Variants in RNGTT observed in about 807,000 individuals in gnomAD.
The protein encoded by RNGTT is RNA guanylyltransferase and 5'-phosphatase.
A neutral mutation model predicts 79.3 loss-of-function variants in RNGTT; 33 were observed. That is an observed-to-expected ratio of 0.42 (90% CI 0.32 to 0.56). The LOEUF (loss-of-function observed/expected upper bound fraction) is 0.56. Among genes scored for constraint, RNGTT ranks in the 20% least tolerant of loss-of-function variants. The pLI, the probability that RNGTT is intolerant of heterozygous loss-of-function variation, is 0.17. For missense variants in RNGTT, 497 were observed against 739.1 expected (o/e 0.67, Z 3.80); for synonymous variants, 222 against 235.9 (o/e 0.94, Z 0.54).
intron 11 of RNGTT, among the ~76,000 whole-genome samples, chr6:88,829,183 G>A (rs886531904): frequency 2.0e-5 from 3 of 152,204 alleles, no homozygotes; most frequent in African/African-American, 7.2e-5. Flanking sequence ...ACTAACAGCA[G>A]ATCTCTTTGC....
chr6:88,723,124 T>C (rs1278355426), intron 13 of RNGTT, among the ~76,000 whole-genome samples: 1 of 152,194 alleles, frequency 6.6e-6, no homozygotes, highest in Non-Finnish European at 1.5e-5. Context: ...TTCCAGAACA[T>C]GGCATTGTTA....
intron 13 of RNGTT, among the ~76,000 whole-genome samples, chr6:88,757,388 T>C (rs9362552): frequency 0.13 from 19,600 of 152,150 alleles, 1,442 homozygotes; most frequent in Middle Eastern, 0.23. Context: ...GAAATATCAA[T>C]TGTATATCTG....
intron 4 of RNGTT, among the ~76,000 whole-genome samples, chr6:88,922,430 T>C (rs1784191728): frequency 6.6e-6 from 1 of 152,160 alleles, no homozygotes; most frequent in African/African-American, 2.4e-5. Context: ...CTGGGTTTCA[T>C]ATGATTACCA....
intron 14 of RNGTT, among the ~76,000 whole-genome samples, chr6:88,625,519 T>C (rs909550035): frequency 2.0e-5 from 3 of 152,020 alleles, no homozygotes; most frequent in African/African-American, 7.2e-5. Context: ...CATGACATAC[T>C]GGAAAACGCA....
chr6:88,694,625 T>G (rs1482503942), intron 13 of RNGTT, among the ~76,000 whole-genome samples: 1 of 152,122 alleles, frequency 6.6e-6, no homozygotes, highest in African/African-American at 2.4e-5. Flanking sequence ...CAAAAAACCC[T>G]GAATAGCCAA....
intron 4 of RNGTT, among the ~76,000 whole-genome samples, chr6:88,923,899 T>C (rs548910776): frequency 6.6e-6 from 1 of 152,344 alleles, no homozygotes; most frequent in South Asian, 2.1e-4. Flanking sequence ...CAACAAGGCA[T>C]TTCCAACAAA....
intron 13 of RNGTT, among the ~76,000 whole-genome samples, chr6:88,713,723 TAAC>T (rs1394542775): frequency 6.6e-6 from 1 of 152,202 alleles, no homozygotes; most frequent in East Asian, 1.9e-4. Context: ...CCATATTTCT[TAAC>T]AAGAAAATAT....
intron 12 of RNGTT, among the ~76,000 whole-genome samples, chr6:88,796,341 G>A (rs1779602605): frequency 6.6e-6 from 1 of 152,030 alleles, no homozygotes; most frequent in South Asian, 2.1e-4. Flanking sequence ...TTCTTCCATA[G>A]TATAATTTTA....
intron 11 of RNGTT, among the ~76,000 whole-genome samples, chr6:88,813,189 C>T (rs575307862): frequency 3.3e-5 from 5 of 152,280 alleles, no homozygotes; most frequent in Non-Finnish European, 5.9e-5. Context: ...CAACTGGAAC[C>T]GATATGGCCT....
At chr6:88,708,222 T>A (rs1051737432) in intron 13 of RNGTT, among the ~76,000 whole-genome samples, 13 of 152,058 alleles carry the variant, frequency 8.5e-5, no homozygotes, top group African/African-American at 2.7e-4. Context: ...CCTTTTCCAA[T>A]CTTCAAGGGC....
chr6:88,663,508 C>G (rs1774267370), intron 14 of RNGTT, among the ~76,000 whole-genome samples: 2 of 152,168 alleles, frequency 1.3e-5, no homozygotes, highest in South Asian at 4.1e-4. Flanking sequence ...AGCAAAGGGA[C>G]AGATAGCCAA....
chr6:88,876,714 T>C (rs1193938117), intron 8 of RNGTT, among the ~76,000 whole-genome samples: 1 of 152,208 alleles, frequency 6.6e-6, no homozygotes, highest in Non-Finnish European at 1.5e-5. Context: ...CAGCTCTATA[T>C]AGGGGAAAAA....
chr6:88,741,897 G>A (rs1214230362), intron 13 of RNGTT, among the ~76,000 whole-genome samples: 2 of 152,064 alleles, frequency 1.3e-5, no homozygotes, highest in Non-Finnish European at 2.9e-5. Context: ...TTATCGACTG[G>A]TAGGACGACC....
chr6:88,914,314 C>A (rs903078986), intron 4 of RNGTT, among the ~76,000 whole-genome samples: 2 of 151,836 alleles, frequency 1.3e-5, no homozygotes, highest in African/African-American at 4.8e-5. Flanking sequence ...AAAAAAAGAA[C>A]CCAAATAGAC....
intron 12 of RNGTT, among the ~76,000 whole-genome samples, chr6:88,782,967 T>C (rs1461056469): frequency 6.6e-6 from 1 of 152,122 alleles, no homozygotes; most frequent in African/African-American, 2.4e-5. Context: ...GTACAGCCCA[T>C]TAGTGAAAAC....
chr6:88,716,535 C>G (rs1401123092), intron 13 of RNGTT, among the ~76,000 whole-genome samples: 2 of 152,162 alleles, frequency 1.3e-5, no homozygotes, highest in African/African-American at 2.4e-5. Flanking sequence ...TATTGCAGCA[C>G]TATTTACAAT....
At chr6:88,914,729 G>A (rs1276364011) in intron 4 of RNGTT, among the ~76,000 whole-genome samples, 1 of 152,056 alleles carries the variant, frequency 6.6e-6, no homozygotes, top group Admixed American at 6.6e-5. Flanking sequence ...AGCAGCCTAG[G>A]CATAGAATTT....
chr6:88,754,181 C>G (rs533927664), intron 13 of RNGTT, among the ~76,000 whole-genome samples: 9 of 152,236 alleles, frequency 5.9e-5, no homozygotes, highest in Non-Finnish European at 1.3e-4. Context: ...GCCTGTGAAT[C>G]CAAGTGTCTA....
intron 13 of RNGTT, among the ~76,000 whole-genome samples, chr6:88,729,568 T>C (rs968367513): frequency 6.6e-6 from 1 of 152,144 alleles, no homozygotes; most frequent in Non-Finnish European, 1.5e-5. Flanking sequence ...AATAAAAATG[T>C]AGATTGGATA....
Sources: gnomAD v4.1 joint callset for allele counts (sites outside exome capture counted in the v4.1 genomes callset) on GRCh38, gnomAD v4.1.1 for gene constraint, MANE v1.5 for transcripts, NCBI Gene and HGNC (gene_info 2026-07-23, HGNC 2026-07-21) for gene names.